TNFSF4: variants seen among roughly 807,000 people sequenced by gnomAD.
TNFSF4 encodes the protein TNF superfamily member 4, also known as tumor necrosis factor ligand superfamily member 4.
Under a neutral mutation model 7.3 loss-of-function variants are expected in TNFSF4, and 4 were observed. The observed-to-expected ratio is 0.55, with a 90% CI of 0.27 to 1.25. The LOEUF (loss-of-function observed/expected upper bound fraction) is 1.25. Among genes scored for constraint, TNFSF4 ranks in the 50% most tolerant of loss-of-function variants. TNFSF4 has a pLI of 0.12. For missense variants in TNFSF4, 181 were observed against 208.8 expected (o/e 0.87, Z 0.82); for synonymous variants, 76 against 83.7 (o/e 0.91, Z 0.50).
At chr1:173,416,351 C>T in the TNFSF4 span, among the ~76,000 whole-genome samples, 52 of 152,232 alleles carry the variant, frequency 3.4e-4, no homozygotes, top group East Asian at 9.7e-3. Flanking sequence ...AAAGCAAGTC[C>T]CCTGCCCAGA....
At chr1:173,386,378 C>G in the TNFSF4 span, among the ~76,000 whole-genome samples, 20 of 152,328 alleles carry the variant, frequency 1.3e-4, no homozygotes, top group East Asian at 2.1e-3. Context: ...GCTACCTCCA[C>G]CTAGATTTCA....
the TNFSF4 span, among the ~76,000 whole-genome samples, chr1:173,419,150 T>G: frequency 6.6e-5 from 10 of 152,142 alleles, no homozygotes; most frequent in East Asian, 5.8e-4. Context: ...CCATCCTGGC[T>G]AACACGGTGA....
chr1:173,371,150 T>C, the TNFSF4 span, among the ~76,000 whole-genome samples: 2 of 152,200 alleles, frequency 1.3e-5, no homozygotes, highest in Non-Finnish European at 2.9e-5. Context: ...GACTTCCTCC[T>C]GGACACTGGT....
At position 173,185,008 on chromosome 1, in the gene TNFSF4, A is replaced by G. The variant is rs1235588454; in HGVS notation, c.*1508T>C. The G allele has an allele frequency of 6.6e-6, 1 of 152,234 alleles. No individual in the cohort carries two copies. Among genetic ancestry groups the G allele is most frequent in the East Asian group, 1.9e-4 (1 of 5,202 alleles). The allele number at this position is 152,234 out of a possible 1,614,324, so 9.4% of individuals were successfully genotyped here. ...TAGTTGAAGGTGTACTTAAGAGGAA[A>G]TAGAAAACAGGAAAAAAAAATCCAA... On this transcript the variant is annotated 3_prime_UTR_variant, in exon 3 of 3. Transcript: ENST00000281834.
At chr1:173,357,472 T>C in the TNFSF4 span, among the ~76,000 whole-genome samples, 1 of 152,112 alleles carries the variant, frequency 6.6e-6, no homozygotes, top group Non-Finnish European at 1.5e-5. Context: ...ATTTAAATGA[T>C]TTGTCCAAGG....
chr1:173,450,382 T>A, the TNFSF4 span, among the ~76,000 whole-genome samples: 5 of 152,176 alleles, frequency 3.3e-5, no homozygotes, highest in African/African-American at 1.2e-4. Flanking sequence ...TTTTACATAA[T>A]CTCTTCCAGA....
At chr1:173,438,606 T>C in the TNFSF4 span, among the ~76,000 whole-genome samples, 2 of 152,218 alleles carry the variant, frequency 1.3e-5, no homozygotes, top group Admixed American at 1.3e-4. Flanking sequence ...TTTTCTGATA[T>C]ATAGAATTAA....
the TNFSF4 span, among the ~76,000 whole-genome samples, chr1:173,345,832 CT>C: frequency 6.6e-6 from 1 of 152,208 alleles, no homozygotes; most frequent in Admixed American, 6.5e-5. Flanking sequence ...TGGGGCACCC[CT>C]GACAAAGGGA....
the TNFSF4 span, among the ~76,000 whole-genome samples, chr1:173,228,426 A>G: frequency 6.6e-6 from 1 of 152,242 alleles, no homozygotes; most frequent in African/African-American, 2.4e-5. Context: ...AACCCCATCT[A>G]TACGTCACCA....
At chr1:173,274,230 C>T in the TNFSF4 span, among the ~76,000 whole-genome samples, 1 of 151,890 alleles carries the variant, frequency 6.6e-6, no homozygotes, top group Non-Finnish European at 1.5e-5. Flanking sequence ...TGCTCAACAA[C>T]TTGCATTTGT....
At chr1:173,326,220 A>C in the TNFSF4 span, among the ~76,000 whole-genome samples, 1 of 152,232 alleles carries the variant, frequency 6.6e-6, no homozygotes, top group Non-Finnish European at 1.5e-5. Context: ...ACATATGAAA[A>C]TCAATAAACA....
At chr1:173,226,586 A>G in the TNFSF4 span, among the ~76,000 whole-genome samples, 1 of 152,176 alleles carries the variant, frequency 6.6e-6, no homozygotes, top group African/African-American at 2.4e-5. Flanking sequence ...CTTTTTCAGC[A>G]CCTTAGCTTT....
the TNFSF4 span, chr1:173,351,687 C>T: frequency 1.2e-5 from 4 of 327,898 alleles, no homozygotes; most frequent in East Asian, 2.4e-4. Context: ...ACTAAATGCC[C>T]ATATCAATGT....
the TNFSF4 span, chr1:173,363,415 A>C: frequency 3.0e-6 from 1 of 336,196 alleles, no homozygotes; most frequent in Non-Finnish European, 6.0e-6. Context: ...CCTTTCCCAT[A>C]TCTCTCCATC....
the TNFSF4 span, among the ~76,000 whole-genome samples, chr1:173,287,439 T>C: frequency 1.3e-5 from 2 of 152,218 alleles, no homozygotes; most frequent in African/African-American, 4.8e-5. Context: ...TGACAGCATG[T>C]TGAGCAACTG....
At chr1:173,306,217 T>C in the TNFSF4 span, among the ~76,000 whole-genome samples, 2 of 151,884 alleles carry the variant, frequency 1.3e-5, no homozygotes, top group Non-Finnish European at 2.9e-5. Context: ...AATTTAGTAA[T>C]GTCTTTTTCT....
Position 173,184,043 on chromosome 1 carries a change from A to C in TNFSF4, c.*2473T>G, listed in dbSNP as rs765152121. The C allele has an allele frequency of 6.6e-6, 1 of 152,230 alleles. No homozygotes were observed. The highest frequency in any genetic ancestry group is 1.5e-5 in the Non-Finnish European group (1 of 68,048). 9.4% of individuals were successfully genotyped at this position (152,230 alleles called of 1,614,324 possible). On this transcript the variant is annotated 3_prime_UTR_variant, in exon 3 of 3. Coordinates refer to ENST00000281834, the MANE Select transcript of TNFSF4 (RefSeq NM_003326.5). ...AAAAATACATTCAACATAGTAAAGG[A>C]GAAGGTTACACTCCTTGACTCATAG...
the TNFSF4 span, among the ~76,000 whole-genome samples, chr1:173,446,525 A>G: frequency 4.0e-3 from 607 of 152,290 alleles, 6 homozygotes; most frequent in African/African-American, 0.014. Context: ...GATGCAAAGT[A>G]TTGTTCCTGG....
Position 173,205,637 on chromosome 1 carries a change from G to A in TNFSF4, c.153+1387C>T, listed in dbSNP as rs775297387. The A allele has an allele frequency of 1.9e-5, 19 of 1,022,574 alleles. No homozygotes were observed. In the Admixed American group the frequency reaches 3.0e-4, roughly 16 times the overall value. 63.3% of individuals were successfully genotyped at this position (1,022,574 alleles called of 1,614,324 possible). ...TCTCAGGGCTCCCAGACTGGTGAAT[G>A]CACTCAGCTGTTCTATATTTGGTTA... On this transcript the variant is annotated intron_variant, in intron 1 of 2. Transcript: ENST00000281834.
Sources: allele counts gnomAD v4.1 joint callset (sites outside exome capture counted in the v4.1 genomes callset), GRCh38; gene constraint gnomAD v4.1.1; transcripts MANE v1.5; gene names NCBI Gene and HGNC (gene_info 2026-07-23, HGNC 2026-07-21).